ATG2A: variants seen among roughly 807,000 people sequenced by gnomAD.
ATG2A encodes the protein autophagy-related protein 2 homolog A.
In ATG2A, 103 loss-of-function variants were observed where a neutral mutation model predicts 214.2. The ratio of observed to expected loss-of-function variants is 0.48; its 90% CI spans 0.41 to 0.57. The LOEUF (loss-of-function observed/expected upper bound fraction) is 0.57, where lower values mean the gene tolerates loss of function less well. ATG2A is among the 20% of genes least tolerant of loss of function. The pLI is 0.00. For synonymous variants in ATG2A, 1,160 were observed against 1,142.1 expected (o/e 1.02, Z -0.32); for missense variants, 2,312 against 2,613.2 (o/e 0.88, Z 2.51).
Position 64,894,739 on chromosome 11 carries a change from T to C in ATG2A, c.*234A>G. 2.8e-6 allele frequency: 2 copies of C among 705,240 alleles called. No homozygotes were observed. Among genetic ancestry groups the C allele is most frequent in the Non-Finnish European group, 5.1e-6 (2 of 388,750 alleles). 43.7% of individuals were successfully genotyped at this position (705,240 alleles called of 1,614,324 possible). ...GAGAAGGCAGCAGTGTGGGCCCAGG[T>C]CGGGGGAGGGGCAGTGTCCTTTCTC... On this transcript the variant is annotated 3_prime_UTR_variant, in exon 41 of 41. Transcript: ENST00000377264.
Position 64,911,117 on chromosome 11 carries a change from T to C in ATG2A, c.1387A>G (p.Lys463Glu). ...TCTCGGGAACCGAAGGGCCCATCCT[T>C]GGTGGCATCAAACTCGGTGAAAAAG... ...THFFTEFDATKDGPFGSRDFH... is the reference protein window; with the variant it reads ...THFFTEFDATEDGPFGSRDFH... Residue 463 changes from lysine (K) to glutamate (E), a missense_variant, in exon 10 of 41, where the codon AAG becomes GAG. Coordinates refer to ENST00000377264, the MANE Select transcript of ATG2A (RefSeq NM_015104.3). 1.2e-6 allele frequency: 2 copies of C among 1,613,998 alleles called. 1 individual carries two copies.
rs892622874 is a variant in ATG2A, at chr11:64,902,019, T to G, written c.4062A>C (p.Gly1354=). 1 of 1,613,946 alleles carries G rather than the reference T, an allele frequency of 6.2e-7. No homozygotes were observed. Among genetic ancestry groups the G allele is most frequent in the Non-Finnish European group, 8.5e-7 (1 of 1,180,018 alleles). ...KEDEREEEGD[G]DTLDSDEFCI... Reference sequence around the variant, plus strand: ...AGAACTCATCACTGTCCAGGGTGTCTCCATCGCCCTCCTCTTCCCTTTCAT... The same window carrying G: ...AGAACTCATCACTGTCCAGGGTGTCGCCATCGCCCTCCTCTTCCCTTTCAT... Residue 1354 remains glycine, a synonymous_variant, in exon 29 of 41, where the codon GGA becomes GGC. Transcript: ENST00000377264.
Position 64,906,743 on chromosome 11 carries a change from T to C in ATG2A, c.2905A>G (p.Ser969Gly). 10 of 1,613,592 alleles carry C rather than the reference T, an allele frequency of 6.2e-6. No individual in the cohort carries two copies. Among genetic ancestry groups the C allele is most frequent in the Non-Finnish European group, 8.5e-6 (10 of 1,180,004 alleles). ...GGCTGGCCACAGTACTGGGAGACGC[T>C]GAAGAGGGTACCGTGCTCCATGTCC... Reference protein sequence around the residue: ...VLDMEHGTLFSVSQYCGQPGL... With the variant: ...VLDMEHGTLFGVSQYCGQPGL... Residue 969 changes from serine to glycine, a missense_variant, in exon 20 of 41, where the codon AGC (serine) becomes GGC (glycine). Ser to Gly is a moderately conservative substitution (Grantham distance 56). Coordinates refer to ENST00000377264, the MANE Select transcript of ATG2A (RefSeq NM_015104.3).
Position 64,907,380 on chromosome 11 carries a change from A to G in ATG2A, c.2707T>C (p.Ser903Pro). 6.4e-7 allele frequency: 1 copy of G among 1,567,826 alleles called. No individual in the cohort carries two copies. Among genetic ancestry groups the G allele is most frequent in the South Asian group, 1.2e-5 (1 of 85,514 alleles). Residue 903 changes from serine (S) to proline (P), a missense_variant, in exon 19 of 41, where the codon TCA becomes CCA. Ser to Pro is a moderately conservative substitution (Grantham distance 74). Coordinates refer to ENST00000377264, the MANE Select transcript of ATG2A (RefSeq NM_015104.3). Reference protein sequence around the residue: ...DSDDEDAHFFSVGASGGPQAA... With the variant: ...DSDDEDAHFFPVGASGGPQAA... ...TGTGGGCCACCTGATGCCCCCACTG[A>G]GAAGAAGTGGGCATCCTCGTCATCC...
chr11:64,910,314 G>A (rs1019572640), intron 12 of ATG2A, 119 bp from the exon 13 acceptor site: 1 of 1,400,822 alleles, frequency 7.1e-7, no homozygotes, highest in Non-Finnish European at 9.5e-7. Context: ...CACTAAGAAG[G>A]CCTGCCCCAC....
rs375069779 is a variant in ATG2A at position 64,911,405 on chromosome 11, T to C, written c.1229-130A>G. ...CACCATGTGGCTCTGGCAGAAGGCTTGGTCAGGCAGGGGTGACACTGGTGC... is the reference window on the plus strand; with the variant it reads ...CACCATGTGGCTCTGGCAGAAGGCTCGGTCAGGCAGGGGTGACACTGGTGC... On this transcript the variant is annotated intron_variant, in intron 9 of 40. Coordinates refer to ENST00000377264, the MANE Select transcript of ATG2A (RefSeq NM_015104.3). 2.4e-3 allele frequency: 2,207 copies of C among 937,346 alleles called. 64 individuals carry two copies. In the South Asian group the frequency reaches 0.033, roughly 14 times the overall value. The allele number at this position is 937,346 out of a possible 1,614,324, so 58.1% of individuals were successfully genotyped here.
At position 64,903,669 on chromosome 11, in the gene ATG2A, G is replaced by A; in HGVS notation, c.3465-9C>T. ...AGTCATCGAGGATGAACCTGGGGGG[G>A]AACAGGGCTGAGAAGGGCCCGGGCA... is the stretch of plus-strand genomic sequence containing the variant. On this transcript the variant is annotated splice_polypyrimidine_tract_variant and intron_variant, in intron 24 of 40. Coordinates refer to ENST00000377264, the MANE Select transcript of ATG2A (RefSeq NM_015104.3). The surrounding 1 kb of genome is among the most constrained non-coding windows in gnomAD (Gnocchi z 4.2). 1.3e-6 allele frequency: 2 copies of A among 1,548,708 alleles called. No homozygotes were observed. The highest frequency in any genetic ancestry group is 1.4e-5 in the African/African-American group (1 of 73,116).
At position 64,902,557 on chromosome 11, in the gene ATG2A, G is replaced by T. The variant is rs1171984610; in HGVS notation, c.3736C>A (p.Pro1246Thr). The stretch of plus-strand genomic sequence containing the variant: ...TCCGTGGGGCTGGGGGGCCGGGGTG[G>T]GGGGTGCAGATCGCCTGTGCTCATT... ...YVMSTGDLHP[P>T]PRPPSPTEIA... Residue 1246 changes from proline to threonine, a missense_variant, in exon 27 of 41, where the codon CCA becomes ACA. Pro to Thr is a conservative substitution (Grantham distance 38, BLOSUM62 -1). Coordinates refer to ENST00000377264, the MANE Select transcript of ATG2A (RefSeq NM_015104.3). 2.6e-6 allele frequency: 4 copies of T among 1,559,818 alleles called. No homozygotes were observed. Among genetic ancestry groups the T allele is most frequent in the Non-Finnish European group, 3.5e-6 (4 of 1,155,274 alleles).
intron 37 of ATG2A, 88 bp from the exon 38 acceptor site, chr11:64,896,957 T>C: frequency 2.0e-6 from 3 of 1,535,276 alleles, no homozygotes; most frequent in Non-Finnish European, 2.6e-6. Context: ...AGTACCCCTG[T>C]GGCAAGTACT....
chr11:64,898,892 G>A lies in ATG2A; in HGVS notation c.4465-50C>T. ...CAGGTAAGCAGGGCCCCAAGAGGGAGGGAAGGGCTGGCCCCAGACCCCTTC... is the reference window on the plus strand; with the variant it reads ...CAGGTAAGCAGGGCCCCAAGAGGGAAGGAAGGGCTGGCCCCAGACCCCTTC... On this transcript the variant is annotated intron_variant, in intron 31 of 40. Coordinates refer to ENST00000377264, the MANE Select transcript of ATG2A (RefSeq NM_015104.3). The surrounding 1 kb of genome is among the most constrained non-coding windows in gnomAD (Gnocchi z 4.5). The A allele has an allele frequency of 6.4e-7, 1 of 1,551,532 alleles. No individual in the cohort carries two copies. The highest frequency in any genetic ancestry group is 1.1e-5 in the South Asian group (1 of 89,040).
chr11:64,908,811 A>G (rs961410230), intron 16 of ATG2A, among the ~76,000 whole-genome samples, 180 bp downstream of exon 16: 3 of 152,218 alleles, frequency 2.0e-5, no homozygotes, highest in Non-Finnish European at 2.9e-5. Context: ...CGTTTCAGAA[A>G]GACTCTCTGA....
Position 64,903,405 on chromosome 11 carries a change from A to ACCCGGC in ATG2A, c.3536-47_3536-42dup, listed in dbSNP as rs1944427861. ...GAGAAAGGTCCTGTGGCCCCCTTCC[A>ACCCGGC]CCCGGCCCCGGCCCCAGCACCTGGG... is the stretch of plus-strand genomic sequence containing the variant. On this transcript the variant is annotated intron_variant, in intron 25 of 40. Coordinates refer to ENST00000377264, the MANE Select transcript of ATG2A (RefSeq NM_015104.3). This position sits in a 1 kb window ranked among gnomAD's most constrained non-coding sequence, Gnocchi z 4.2. 4 of 1,605,742 alleles carry ACCCGGC rather than the reference A, an allele frequency of 2.5e-6. No individual in the cohort carries two copies. The highest frequency in any genetic ancestry group is 2.7e-5 in the African/African-American group (2 of 74,864).
In ATG2A at chr11:64,902,093, C is replaced by T. The variant is rs564062370; in HGVS notation, c.3988G>A (p.Val1330Ile). Residue 1330 changes from valine to isoleucine, a missense_variant, in exon 29 of 41, where the codon GTC becomes ATC. By Grantham distance (29) the Val-to-Ile change is conservative. Transcript: ENST00000377264. ...RSGAPPPSPPVGGPAGSLGSC... is the reference protein window; with the variant it reads ...RSGAPPPSPPIGGPAGSLGSC... ...CCTAAGCTGCCAGCAGGGCCCCCGA[C>T]AGGTGGTGAAGGGGGTGGGGCCCCA... 6.2e-7 allele frequency: 1 copy of T among 1,613,990 alleles called. No individual in the cohort carries two copies. Among genetic ancestry groups the T allele is most frequent in the Non-Finnish European group, 8.5e-7 (1 of 1,180,016 alleles).
At chr11:64,904,721 T>A (rs1944477510) in intron 24 of ATG2A, among the ~76,000 whole-genome samples, 2 of 152,190 alleles carry the variant, frequency 1.3e-5, no homozygotes, top group Non-Finnish European at 2.9e-5. Context: ...CCGAGACATA[T>A]AAACACCCCT....
chr11:64,910,626 C>T lies in ATG2A; in HGVS notation c.1697G>A (p.Arg566His), dbSNP rs77833427. The T allele has an allele frequency of 4.4e-3, 7,034 of 1,601,918 alleles. 106 individuals carry two copies. The highest frequency in any genetic ancestry group is 0.034 in the East Asian group (1,492 of 44,100). The change falls in exon 12 of 41, where the codon CGT becomes CAT. Residue 566 changes from arginine to histidine, a missense_variant. Physicochemically the swap from Arg to His is conservative, Grantham distance 29. Transcript: ENST00000377264. ...GAGCGGGTGGGTTACCTTAGGCACACGGCGCAGGATCTGTGTGTGGCGCAG... is the reference window on the plus strand; with the variant it reads ...GAGCGGGTGGGTTACCTTAGGCACATGGCGCAGGATCTGTGTGTGGCGCAG... ...AHLRHTQILR[R>H]VPKSRPRRSV... is the part of the protein sequence containing the mutation.
At chr11:64,897,039 T>TA in intron 37 of ATG2A, 170 bp from the exon 38 acceptor site, 1 of 889,806 alleles carries the variant, frequency 1.1e-6, no homozygotes, top group Non-Finnish European at 1.6e-6. Context: ...TTTTTTTTTT[T>TA]AGATGGAGTC....
At chr11:64,902,756 A>T in intron 26 of ATG2A, 76 bp from the exon 27 acceptor site, 1 of 1,366,300 alleles carries the variant, frequency 7.3e-7, no homozygotes, top group Non-Finnish European at 1.0e-6. Flanking sequence ...GCTCGCTGGG[A>T]GGGCACCGCA....
chr11:64,907,990 A>T, intron 16 of ATG2A, 100 bp from the exon 17 acceptor site: 14 of 1,376,952 alleles, frequency 1.0e-5, no homozygotes, highest in Non-Finnish European at 1.4e-5. Context: ...TTCATCATTC[A>T]TTCATTCATA....
At position 64,912,210 on chromosome 11, in the gene ATG2A, G is replaced by T. The variant is rs751226427; in HGVS notation, c.962C>A (p.Pro321Gln). Residue 321 changes from proline (P) to glutamine (Q), a missense_variant, in exon 8 of 41, where the codon CCG (proline) becomes CAG (glutamine). Coordinates refer to ENST00000377264, the MANE Select transcript of ATG2A (RefSeq NM_015104.3). The stretch of plus-strand genomic sequence containing the variant: ...CAGCCACAGGTCTTCGGCACCTAGC[G>T]GGCGGCTCTTGTTCAGCTTGTCAGC... ...GLADKLNKSRPLGAEDLWLIE... is the reference protein window; with the variant it reads ...GLADKLNKSRQLGAEDLWLIE... 2.3e-5 allele frequency: 37 copies of T among 1,613,662 alleles called. No homozygotes were observed. Among genetic ancestry groups the T allele is most frequent in the Non-Finnish European group, 3.1e-5 (36 of 1,179,972 alleles).
Sources: allele counts gnomAD v4.1 joint callset (sites outside exome capture counted in the v4.1 genomes callset), GRCh38; gene constraint gnomAD v4.1.1; non-coding constraint Gnocchi (gnomAD v3.1); transcripts MANE v1.5; gene names NCBI Gene and HGNC (gene_info 2026-07-23, HGNC 2026-07-21).